Variants in MYO18B observed in about 807,000 individuals in gnomAD.
The protein encoded by MYO18B is myosin XVIIIB.
Under a neutral mutation model 273.0 loss-of-function variants are expected in MYO18B, and 204 were observed. That is an observed-to-expected ratio of 0.75 (90% CI 0.67 to 0.84). MYO18B has a LOEUF of 0.84. Ranked by LOEUF, MYO18B falls within the 40% of genes least tolerant of loss-of-function variation. MYO18B has a pLI of 0.00. For missense variants in MYO18B, 3,212 were observed against 3,287.6 expected (o/e 0.98, Z 0.56); for synonymous variants, 1,330 against 1,305.7 (o/e 1.02, Z -0.40).
chr22:25,992,282 G>A, intron 39 of MYO18B, 81 bp from the exon 40 acceptor site: 4 of 1,560,868 alleles, frequency 2.6e-6, no homozygotes, highest in Non-Finnish European at 1.8e-6. Context: ...CTCAGCCTGG[G>A]GCGTGTCTCT....
intron 34 of MYO18B, among the ~76,000 whole-genome samples, chr22:25,925,782 G>A (rs1170086523): frequency 6.6e-6 from 1 of 150,716 alleles, no homozygotes; most frequent in African/African-American, 2.4e-5. Flanking sequence ...GTGCATGACT[G>A]TAATCCCAGC....
intron 12 of MYO18B, among the ~76,000 whole-genome samples, chr22:25,822,838 T>G (rs552315841): frequency 6.6e-6 from 1 of 152,374 alleles, no homozygotes; most frequent in Admixed American, 6.5e-5. Flanking sequence ...GGGGACTACA[T>G]GCATCAGCTA....
intron 34 of MYO18B, among the ~76,000 whole-genome samples, chr22:25,928,446 CA>C (rs1246779850): frequency 1.3e-5 from 2 of 148,510 alleles, no homozygotes; most frequent in Non-Finnish European, 3.0e-5. Context: ...AGCTAAATCA[CA>C]GGAGCCCTGA....
rs1601680269 is a variant in MYO18B at position 25,955,476 on chromosome 22, CAG to C, written c.6156+113_6156+114del. The C allele has an allele frequency of 2.5e-5, 28 of 1,139,232 alleles. No individual in the cohort carries two copies. In the East Asian group the frequency reaches 6.6e-4, roughly 27 times the overall value. The allele number at this position is 1,139,232 out of a possible 1,614,324, so 70.6% of individuals were successfully genotyped here. Reference sequence around the variant, plus strand: ...ACTCATAGGTTTGGGTCCTGGGCCTCAGGGGTGTGCGGAAAGCCAGGAGAAAC... The same window carrying C: ...ACTCATAGGTTTGGGTCCTGGGCCTCGGGTGTGCGGAAAGCCAGGAGAAAC... On this transcript the variant is annotated intron_variant, in intron 39 of 43. Transcript: ENST00000335473.
In MYO18B at chr22:26,004,839, C is replaced by T. The variant is rs777917038; in HGVS notation, c.6454C>T (p.Arg2152Cys). The T allele has an allele frequency of 2.2e-5, 35 of 1,613,490 alleles. No individual in the cohort carries two copies. Among genetic ancestry groups the T allele is most frequent in the Admixed American group, 1.0e-4 (6 of 59,984 alleles). ...TPSRQSATSS[R>C]ILSPRINEEA... Reference sequence around the variant, plus strand: ...TTCTCGACAGTCAGCCACCAGCAGCCGCATCCTCAGCCCCAGGTAAGAGTA... The same window carrying T: ...TTCTCGACAGTCAGCCACCAGCAGCTGCATCCTCAGCCCCAGGTAAGAGTA... The change falls in exon 42 of 44, where the codon CGC becomes TGC. Residue 2152 changes from arginine to cysteine, a missense_variant. Transcript: ENST00000335473.
intron 38 of MYO18B, among the ~76,000 whole-genome samples, chr22:25,953,174 A>C: frequency 6.6e-6 from 1 of 152,196 alleles, no homozygotes; most frequent in Non-Finnish European, 1.5e-5. Context: ...TCACTTCTTC[A>C]GCTCTGTAGG....
chr22:26,011,584 TTA>T (rs1934926510), intron 42 of MYO18B, among the ~76,000 whole-genome samples: 1 of 152,182 alleles, frequency 6.6e-6, no homozygotes, highest in Non-Finnish European at 1.5e-5. Context: ...GGAAGGAAAC[TTA>T]TTAAAGTGTT....
intron 21 of MYO18B, among the ~76,000 whole-genome samples, chr22:25,863,326 A>C (rs944946910): frequency 2.6e-5 from 4 of 152,332 alleles, no homozygotes; most frequent in Admixed American, 2.6e-4. Flanking sequence ...TTCTGAACCC[A>C]CAAAGATACT....
chr22:25,744,550 T>C (rs1338157970), intron 1 of MYO18B, among the ~76,000 whole-genome samples: 1 of 151,894 alleles, frequency 6.6e-6, no homozygotes, highest in Non-Finnish European at 1.5e-5. Context: ...GCTAACACGG[T>C]GAAACCCCGT....
the MYO18B span, among the ~76,000 whole-genome samples, chr22:26,061,691 G>A: frequency 6.7e-6 from 1 of 149,250 alleles, no homozygotes; most frequent in Non-Finnish European, 1.5e-5. Context: ...ATCTACCACC[G>A]AGAAAGGTCA....
intron 34 of MYO18B, among the ~76,000 whole-genome samples, chr22:25,935,359 C>T (rs1395933092): frequency 1.3e-5 from 2 of 152,130 alleles, no homozygotes; most frequent in East Asian, 1.9e-4. Flanking sequence ...TAAAAGTGGC[C>T]GAGTGGTCAT....
chr22:26,052,839 G>C, the MYO18B span, among the ~76,000 whole-genome samples: 1 of 146,274 alleles, frequency 6.8e-6, no homozygotes, highest in Admixed American at 7.0e-5. Flanking sequence ...GTTTCGCTCT[G>C]TCGCTCAGGC....
chr22:25,892,897 C>G (rs535002598), intron 27 of MYO18B, among the ~76,000 whole-genome samples: 1 of 152,262 alleles, frequency 6.6e-6, no homozygotes, highest in African/African-American at 2.4e-5. Flanking sequence ...TCAGTTCCAT[C>G]TGCGTGAAAT....
At position 25,798,048 on chromosome 22, in the gene MYO18B, G is replaced by A; in HGVS notation, c.2472G>A (p.Trp824Ter). The change falls in exon 12 of 44, where the codon TGG becomes TGA. Residue 824 changes from tryptophan (W) to a stop codon, truncating the protein, a stop_gained. Coordinates refer to ENST00000335473, the MANE Select transcript of MYO18B (RefSeq NM_032608.7). LOFTEE classifies it high-confidence loss of function. ...CAGAGAGCGAGCAGCGGGCTGTTTG[G>A]CGGGTCCTGGCAGCCATCTACCACC... ...GISESEQRAVWRVLAAIYHLG... is the reference protein window; with the variant it reads ...GISESEQRAV 1 of 1,612,346 alleles carries A rather than the reference G, an allele frequency of 6.2e-7. No individual in the cohort carries two copies. The highest frequency in any genetic ancestry group is 8.5e-7 in the Non-Finnish European group (1 of 1,178,532).
At chr22:25,889,844 A>C (rs2091609802) in intron 25 of MYO18B, among the ~76,000 whole-genome samples, 1 of 152,234 alleles carries the variant, frequency 6.6e-6, no homozygotes, top group Admixed American at 6.5e-5. Flanking sequence ...AAAATTAATT[A>C]CATGTGTAAT....
chr22:25,870,103 A>G (rs2091006247), intron 22 of MYO18B, among the ~76,000 whole-genome samples: 1 of 152,218 alleles, frequency 6.6e-6, no homozygotes, highest in Non-Finnish European at 1.5e-5. Flanking sequence ...TCAAGATCCT[A>G]TCTGTAGCCA....
intron 10 of MYO18B, among the ~76,000 whole-genome samples, chr22:25,782,923 A>G (rs1189749466): frequency 6.6e-6 from 1 of 152,222 alleles, no homozygotes; most frequent in East Asian, 1.9e-4. Flanking sequence ...CACAGACTCG[A>G]GGACAAGGCT....
At chr22:25,868,793 G>A (rs2090964684) in intron 22 of MYO18B, among the ~76,000 whole-genome samples, 1 of 152,186 alleles carries the variant, frequency 6.6e-6, no homozygotes. Flanking sequence ...ATGAGCAGCA[G>A]TAAGGGAAAA....
chr22:25,946,328 T>A, intron 35 of MYO18B, 78 bp downstream of exon 35: 1 of 971,596 alleles, frequency 1.0e-6, no homozygotes, highest in Non-Finnish European at 1.6e-6. Flanking sequence ...TAGTGTGCGC[T>A]CAGCACTATA....
Sources: gnomAD v4.1 joint callset for allele counts (sites outside exome capture counted in the v4.1 genomes callset) on GRCh38, gnomAD v4.1.1 for gene constraint, MANE v1.5 for transcripts, NCBI Gene and HGNC (gene_info 2026-07-23, HGNC 2026-07-21) for gene names.